The following GUCY1A1 variants were observed in gnomAD, a reference collection of about 807,000 sequenced individuals.
GUCY1A1 encodes guanylate cyclase soluble subunit alpha-1.
Under a neutral mutation model 64.5 loss-of-function variants are expected in GUCY1A1, and 48 were observed. The observed-to-expected ratio is 0.74, with a 90% CI of 0.59 to 0.95. The LOEUF (loss-of-function observed/expected upper bound fraction) is 0.95. Ranked by LOEUF, GUCY1A1 falls within the 40% of genes least tolerant of loss-of-function variation. The pLI is 0.00. For synonymous variants in GUCY1A1, 308 were observed against 303.4 expected (o/e 1.02, Z -0.16); for missense variants, 804 against 825.3 (o/e 0.97, Z 0.32).
Position 155,713,146 on chromosome 4 carries a change from A to G in GUCY1A1, c.1135A>G (p.Ile379Val), listed in dbSNP as rs372081493. 85 of 1,613,502 alleles carry G rather than the reference A, an allele frequency of 5.3e-5. No individual in the cohort carries two copies. The highest frequency in any genetic ancestry group is 1.3e-4 in the East Asian group (6 of 44,872). ...GATCTACATTGTTGAATCCAGTGCA[A>G]TCTTGTTTTTGGGGTCACCCTGTGT... is the stretch of plus-strand genomic sequence containing the variant. ...QMIYIVESSAILFLGSPCVDR... is the reference protein window; with the variant it reads ...QMIYIVESSAVLFLGSPCVDR... Residue 379 changes from isoleucine to valine, a missense_variant, in exon 7 of 10, where the codon ATC becomes GTC. By Grantham distance (29) the Ile-to-Val change is conservative. Transcript: ENST00000506455.
intron 4 of GUCY1A1, among the ~76,000 whole-genome samples, chr4:155,704,370 G>C (rs910985944): frequency 1.3e-5 from 2 of 152,146 alleles, no homozygotes; most frequent in African/African-American, 4.8e-5. Flanking sequence ...TTAACAACAG[G>C]TAAGTCATGG....
At chr4:155,727,741 C>T (rs1734918664) in intron 9 of GUCY1A1, among the ~76,000 whole-genome samples, 1 of 151,320 alleles carries the variant, frequency 6.6e-6, no homozygotes, top group Admixed American at 6.6e-5. Context: ...AACATTTTGC[C>T]ATATTTCTTT....
Position 155,717,229 on chromosome 4 carries a change from A to G in GUCY1A1, c.1643A>G (p.Gln548Arg). ...LHKESDTHAV[Q>R]IALMALKMME... ...AAAGAGAGTGATACTCATGCTGTTC[A>G]GATAGCGCTGATGGCCCTGAAGATG... The change falls in exon 8 of 10, where the codon CAG becomes CGG. Residue 548 changes from glutamine (Q) to arginine (R), a missense_variant. Physicochemically the swap from Gln to Arg is conservative, Grantham distance 43. Transcript: ENST00000506455. 6.3e-7 allele frequency: 1 copy of G among 1,599,400 alleles called. No homozygotes were observed. The highest frequency in any genetic ancestry group is 8.5e-7 in the Non-Finnish European group (1 of 1,170,818).
At chr4:155,716,861 G>GA (rs943429324) in intron 7 of GUCY1A1, among the ~76,000 whole-genome samples, 3 of 151,382 alleles carry the variant, frequency 2.0e-5, no homozygotes, top group Admixed American at 6.6e-5. Flanking sequence ...CTTATATGGT[G>GA]AAAAAAAAGA....
At chr4:155,700,654 A>G (rs1251613932) in intron 3 of GUCY1A1, among the ~76,000 whole-genome samples, 3 of 152,196 alleles carry the variant, frequency 2.0e-5, no homozygotes, top group African/African-American at 7.2e-5. Context: ...GAGCACTACA[A>G]ACTATTTGCA....
chr4:155,689,067 T>C lies in GUCY1A1; in HGVS notation c.-112-7689T>C, dbSNP rs992218876. Among the ~76,000 whole-genome samples the C allele has an allele frequency of 3.3e-5, 5 of 150,554 alleles. No homozygotes were observed. In the South Asian group the frequency reaches 8.5e-4, roughly 26 times the overall value. ...AATGGGGAGCAAAGGGGATCTAGCA[T>C]GCCTGCATTTTATCCTGACATTATT... On this transcript the variant is annotated intron_variant, in intron 2 of 9. Coordinates refer to ENST00000506455, the MANE Select transcript of GUCY1A1 (RefSeq NM_001130682.3).
intron 2 of GUCY1A1, among the ~76,000 whole-genome samples, chr4:155,682,650 C>A (rs931541572): frequency 6.7e-6 from 1 of 148,442 alleles, no homozygotes; most frequent in African/African-American, 2.5e-5. Context: ...CCAGCCTGGG[C>A]AATAGAGTGA....
intron 3 of GUCY1A1, among the ~76,000 whole-genome samples, chr4:155,699,618 G>T (rs1730832157): frequency 6.6e-6 from 1 of 152,212 alleles, no homozygotes; most frequent in East Asian, 1.9e-4. Context: ...TTCCAGTGTT[G>T]AATACATTTG....
intron 4 of GUCY1A1, among the ~76,000 whole-genome samples, chr4:155,706,791 A>C (rs143706903): frequency 1.3e-5 from 2 of 152,338 alleles, no homozygotes; most frequent in African/African-American, 4.8e-5. Flanking sequence ...CTGTTTGGAC[A>C]AACTAAGCTT....
intron 5 of GUCY1A1, among the ~76,000 whole-genome samples, chr4:155,709,929 GAC>G (rs1296226293): frequency 2.2e-4 from 33 of 152,182 alleles, no homozygotes; most frequent in Middle Eastern, 3.4e-3. Flanking sequence ...ATTGTAAAAA[GAC>G]ACAGACATAC....
intron 2 of GUCY1A1, among the ~76,000 whole-genome samples, chr4:155,681,149 A>C (rs908463371): frequency 6.6e-6 from 1 of 152,052 alleles, no homozygotes; most frequent in Admixed American, 6.6e-5. Flanking sequence ...ATGACTCAAT[A>C]ATTATAGTTT....
At position 155,710,993 on chromosome 4, in the gene GUCY1A1, G is replaced by T. The variant is rs1395805828; in HGVS notation, c.828G>T (p.Val276=). 4.3e-6 allele frequency: 7 copies of T among 1,613,654 alleles called. No individual in the cohort carries two copies. The South Asian group carries it at 7.7e-5, about 18-fold the overall frequency. The stretch of plus-strand genomic sequence containing the variant: ...CCAGCAAACCCCAGTCCTCGCTGGT[G>T]ATTCCCACATCGCTATTCTGCAAGA... ...LSPSKPQSSL[V]IPTSLFCKTF... is the part of the protein sequence containing the mutation. Residue 276 remains valine (V), a synonymous_variant, in exon 6 of 10, where the codon GTG becomes GTT. Coordinates refer to ENST00000506455, the MANE Select transcript of GUCY1A1 (RefSeq NM_001130682.3).
At position 155,730,146 on chromosome 4, in the gene GUCY1A1, G is replaced by A. The variant is rs1735365169; in HGVS notation, c.1988G>A (p.Gly663Glu). The change falls in exon 10 of 10, where the codon GGA (glycine) becomes GAA (glutamate). Residue 663 changes from glycine (G) to glutamate (E), a missense_variant. By Grantham distance (98) the Gly-to-Glu change is moderately conservative. Transcript: ENST00000506455. ...ICHFLDAYQQGTNSKPCFQKK... is the reference protein window; with the variant it reads ...ICHFLDAYQQETNSKPCFQKK... ...CATTTTCTGGATGCTTACCAACAAG[G>A]AACAAACTCAAAACCATGCTTCCAA... 2.5e-6 allele frequency: 4 copies of A among 1,611,666 alleles called. No individual in the cohort carries two copies. The highest frequency in any genetic ancestry group is 1.7e-5 in the Admixed American group (1 of 59,822).
intron 2 of GUCY1A1, among the ~76,000 whole-genome samples, chr4:155,683,376 A>G (rs1349612263): frequency 1.3e-5 from 2 of 152,250 alleles, no homozygotes; most frequent in African/African-American, 4.8e-5. Flanking sequence ...GAATAAATTT[A>G]ATAATAACAA....
chr4:155,730,416 C>CAAA lies in GUCY1A1; in HGVS notation c.*187_*188insAAA. ...TACTCACTTCAGTACTTCAGCTCTT[C>CAAA]AAGAAAAAAAAAAAAAACCTTAAAA... On this transcript the variant is annotated 3_prime_UTR_variant, in exon 10 of 10. Transcript: ENST00000506455. 1 of 331,844 alleles carries CAAA rather than the reference C, an allele frequency of 3.0e-6. No individual in the cohort carries two copies. Among genetic ancestry groups the CAAA allele is most frequent in the South Asian group, 8.9e-5 (1 of 11,220 alleles). The allele number at this position is 331,844 out of a possible 1,614,324, so 20.6% of individuals were successfully genotyped here.
At position 155,732,251 on chromosome 4, in the gene GUCY1A1, A is replaced by G. The variant is rs954418932; in HGVS notation, c.*2020A>G. The G allele has an allele frequency of 2.6e-5, 4 of 151,886 alleles. No homozygotes were observed. Among genetic ancestry groups the G allele is most frequent in the African/African-American group, 9.7e-5 (4 of 41,400 alleles). 9.4% of individuals were successfully genotyped at this position (151,886 alleles called of 1,614,324 possible). ...CAAAACAAATGAGGGGAATGTATAT[A>G]ATCTTGGTGAAAAGTTGTATGGGAG... On this transcript the variant is annotated 3_prime_UTR_variant, in exon 10 of 10. Coordinates refer to ENST00000506455, the MANE Select transcript of GUCY1A1 (RefSeq NM_001130682.3).
intron 2 of GUCY1A1, among the ~76,000 whole-genome samples, chr4:155,690,251 A>G (rs2126685333): frequency 6.6e-6 from 1 of 152,212 alleles, no homozygotes; most frequent in Non-Finnish European, 1.5e-5. Flanking sequence ...AGTCAGAGGA[A>G]TGTGTCTTCC....
At position 155,730,111 on chromosome 4, in the gene GUCY1A1, C is replaced by T. The variant is rs150400396; in HGVS notation, c.1953C>T (p.Pro651=). 307 of 1,610,754 alleles carry T rather than the reference C, an allele frequency of 1.9e-4. No homozygotes were observed. Among genetic ancestry groups the T allele is most frequent in the Admixed American group, 2.8e-4 (17 of 59,836 alleles). ...CACCAAACTTCCCTAGTGAAATCCC[C>T]GGAATCTGCCATTTTCTGGATGCTT... ...ELPPNFPSEI[P]GICHFLDAYQ... is the part of the protein sequence containing the mutation. Residue 651 remains proline, a synonymous_variant, in exon 10 of 10, where the codon CCC becomes CCT. Transcript: ENST00000506455.
chr4:155,681,702 C>T (rs937062299), intron 2 of GUCY1A1, among the ~76,000 whole-genome samples: 10 of 152,134 alleles, frequency 6.6e-5, no homozygotes, highest in African/African-American at 2.4e-4. Context: ...TTCTCCAGTC[C>T]TTAAACATGA....
Sources: gnomAD v4.1 joint callset for allele counts (sites outside exome capture counted in the v4.1 genomes callset) on GRCh38, gnomAD v4.1.1 for gene constraint, MANE v1.5 for transcripts, NCBI Gene and HGNC (gene_info 2026-07-23, HGNC 2026-07-21) for gene names.